Variants in GABRB1 observed in about 807,000 individuals in gnomAD.
The protein encoded by GABRB1 is gamma-aminobutyric acid receptor subunit beta-1.
Under a neutral mutation model 51.6 loss-of-function variants are expected in GABRB1, and 17 were observed. The observed-to-expected ratio is 0.33, with a 90% CI of 0.23 to 0.49. The LOEUF (loss-of-function observed/expected upper bound fraction) is 0.49, where lower values mean the gene tolerates loss of function less well. GABRB1 is among the 20% of genes least tolerant of loss of function. GABRB1 has a pLI of 0.99. For missense variants in GABRB1, 410 were observed against 600.6 expected, an observed-to-expected ratio of 0.68 and a Z score of 3.32; for synonymous variants, 247 against 218.9, an observed-to-expected ratio of 1.13 and a Z score of -1.14.
chr4:47,028,506 T>C (rs879924614), upstream of GABRB1, among the ~76,000 whole-genome samples: 3 of 151,814 alleles, frequency 2.0e-5, no homozygotes. Context: ...AAAATATAAA[T>C]TGCAAATGTA....
At chr4:47,252,122 C>T (rs944492633) in intron 4 of GABRB1, among the ~76,000 whole-genome samples, 1 of 148,698 alleles carries the variant, frequency 6.7e-6, no homozygotes, top group Non-Finnish European at 1.5e-5. Flanking sequence ...TCTGGATGCC[C>T]TCCAGATGGA....
chr4:47,099,307 G>T (rs984448237), intron 3 of GABRB1, among the ~76,000 whole-genome samples: 1 of 152,076 alleles, frequency 6.6e-6, no homozygotes, highest in Non-Finnish European at 1.5e-5. Flanking sequence ...GAAAAGCTGA[G>T]AATCACTGCT....
intron 4 of GABRB1, among the ~76,000 whole-genome samples, chr4:47,202,329 C>T (rs1311571578): frequency 6.6e-6 from 1 of 152,070 alleles, no homozygotes; most frequent in African/African-American, 2.4e-5. Context: ...CTGAGGCCTC[C>T]CCAGCCATGC....
intron 4 of GABRB1, among the ~76,000 whole-genome samples, chr4:47,239,337 A>G (rs1281409744): frequency 1.3e-5 from 2 of 152,224 alleles, no homozygotes; most frequent in Non-Finnish European, 2.9e-5. Context: ...TTGTGTGAAT[A>G]TATCACATTT....
At chr4:47,371,028 C>T (rs1225259374) in intron 5 of GABRB1, among the ~76,000 whole-genome samples, 3 of 152,064 alleles carry the variant, frequency 2.0e-5, no homozygotes. Context: ...AACAGATCAA[C>T]CCATGACCCA....
chr4:47,022,225 T>C (rs909501833), intron 1 of GABRB1, among the ~76,000 whole-genome samples: 1 of 152,118 alleles, frequency 6.6e-6, no homozygotes, highest in African/African-American at 2.4e-5. Context: ...TGTTTTCCTA[T>C]AGTAATCCTT....
At chr4:47,349,744 C>T (rs1044083001) in intron 5 of GABRB1, among the ~76,000 whole-genome samples, 7 of 152,278 alleles carry the variant, frequency 4.6e-5, no homozygotes, top group Admixed American at 1.3e-4. Context: ...TACGCCCATG[C>T]GGATTTGTCT....
In GABRB1 at chr4:47,425,892, C is replaced by A. The variant is rs116969944; in HGVS notation, c.1299C>A (p.Ala433=). The A allele has an allele frequency of 1.6e-4, 255 of 1,614,176 alleles. 2 individuals are homozygous for A. In the East Asian group the frequency reaches 5.4e-3, roughly 34 times the overall value. Residue 433 remains alanine, a synonymous_variant, in exon 9 of 9, where the codon GCC becomes GCA. Transcript: ENST00000295454. The part of the protein sequence containing the change: ...VPSKGRIRRR[A]SQLKVKIPDL... ...GCAAGGGGCGCATCCGCAGGCGTGC[C>A]TCCCAGCTCAAAGTCAAGATCCCCG...
intron 5 of GABRB1, among the ~76,000 whole-genome samples, chr4:47,383,705 AC>A (rs1489786381): frequency 5.3e-5 from 8 of 152,100 alleles, no homozygotes; most frequent in African/African-American, 1.9e-4. Flanking sequence ...GAGCTACCAT[AC>A]TCCTCAAAAT....
chr4:47,025,559 C>A (rs978605183), intron 1 of GABRB1, among the ~76,000 whole-genome samples: 1 of 151,792 alleles, frequency 6.6e-6, no homozygotes, highest in Non-Finnish European at 1.5e-5. Context: ...GTCACTATGT[C>A]ATATTCTCAG....
intron 3 of GABRB1, among the ~76,000 whole-genome samples, chr4:47,061,713 T>C (rs769836712): frequency 6.6e-6 from 1 of 152,202 alleles, no homozygotes; most frequent in Non-Finnish European, 1.5e-5. Context: ...AAACGTCTCG[T>C]CTTCAAAGTA....
chr4:47,356,898 A>G (rs1726601785), intron 5 of GABRB1, among the ~76,000 whole-genome samples: 2 of 152,190 alleles, frequency 1.3e-5, no homozygotes, highest in African/African-American at 4.8e-5. Flanking sequence ...CCTATATGTC[A>G]GTCTCATATT....
chr4:47,222,510 T>C (rs753070637), intron 4 of GABRB1, among the ~76,000 whole-genome samples: 4 of 152,124 alleles, frequency 2.6e-5, no homozygotes, highest in Non-Finnish European at 5.9e-5. Flanking sequence ...AGTCTTGGAA[T>C]GCTGCCACCA....
intron 3 of GABRB1, among the ~76,000 whole-genome samples, chr4:47,077,657 C>T (rs1018020229): frequency 1.1e-4 from 17 of 151,332 alleles, no homozygotes; most frequent in Non-Finnish European, 1.3e-4. Flanking sequence ...AGTTTGCCTA[C>T]GGAATATCAC....
intron 1 of GABRB1, among the ~76,000 whole-genome samples, chr4:47,004,190 T>G (rs1269102512): frequency 6.6e-6 from 1 of 152,160 alleles, no homozygotes. Flanking sequence ...GGTTTCACCA[T>G]GTTGGCCAGG....
chr4:47,095,612 T>C (rs553054699), intron 3 of GABRB1, among the ~76,000 whole-genome samples: 2 of 152,224 alleles, frequency 1.3e-5, no homozygotes, highest in African/African-American at 4.8e-5. Flanking sequence ...TAATTCTTGA[T>C]TCATACGATC....
chr4:47,340,455 A>T (rs1473071704), intron 5 of GABRB1, among the ~76,000 whole-genome samples: 1 of 152,148 alleles, frequency 6.6e-6, no homozygotes, highest in Non-Finnish European at 1.5e-5. Flanking sequence ...TAGGTTATAC[A>T]CAGCAGAAAT....
At chr4:47,153,393 G>A (rs1324094673) in intron 3 of GABRB1, among the ~76,000 whole-genome samples, 1 of 151,972 alleles carries the variant, frequency 6.6e-6, no homozygotes, top group African/African-American at 2.4e-5. Context: ...TTAGATTCTT[G>A]AATGTAAGCC....
intron 1 of GABRB1, among the ~76,000 whole-genome samples, chr4:47,008,902 T>C (rs1374082147): frequency 6.8e-4 from 92 of 134,880 alleles, no homozygotes; most frequent in Non-Finnish European, 1.1e-3. Flanking sequence ...CTCGCTCTGT[T>C]TCCCAGGCTG....
Sources: allele counts gnomAD v4.1 joint callset (sites outside exome capture counted in the v4.1 genomes callset), GRCh38; gene constraint gnomAD v4.1.1; transcripts MANE v1.5; gene names NCBI Gene and HGNC (gene_info 2026-07-23, HGNC 2026-07-21).